Variants in INTS9 observed in about 807,000 individuals in gnomAD.
INTS9 encodes protein related to CPSF subunits of 74 kDa.
INTS9 carries 55 observed loss-of-function variants against 79.7 expected under a neutral mutation model. The ratio of observed to expected loss-of-function variants is 0.69; its 90% CI spans 0.56 to 0.86. The LOEUF (loss-of-function observed/expected upper bound fraction) is 0.86, where lower values mean the gene tolerates loss of function less well. Among genes scored for constraint, INTS9 ranks in the 40% least tolerant of loss-of-function variants. The pLI is 0.00. For missense variants in INTS9, 721 were observed against 831.5 expected, an observed-to-expected ratio of 0.87 and a Z score of 1.64; for synonymous variants, 319 against 325.2, an observed-to-expected ratio of 0.98 and a Z score of 0.20.
Position 28,775,939 on chromosome 8 carries a change from T to TG in INTS9, c.1396-14dup. The TG allele has an allele frequency of 6.5e-7, 1 of 1,532,484 alleles. No homozygotes were observed. The highest frequency in any genetic ancestry group is 8.8e-7 in the Non-Finnish European group (1 of 1,139,214). The allele number at this position is 1,532,484 out of a possible 1,614,324, so 94.9% of individuals were successfully genotyped here. On this transcript the variant is annotated splice_polypyrimidine_tract_variant and intron_variant, in intron 13 of 16. Transcript: ENST00000521022. ...CCACGTGCAGGGGCTGAGGAACCAA[T>TG]GGGACAGTTGAGAAAGGTGGTGTGA...
intron 6 of INTS9, among the ~76,000 whole-genome samples, chr8:28,834,475 G>A (rs1041015476): frequency 1.3e-5 from 2 of 152,038 alleles, no homozygotes; most frequent in Admixed American, 1.3e-4. Context: ...AATCCACACT[G>A]AACATCTCAC....
chr8:28,880,495 G>C (rs1481168986), intron 1 of INTS9, among the ~76,000 whole-genome samples: 5 of 151,960 alleles, frequency 3.3e-5, no homozygotes, highest in African/African-American at 4.8e-5. Context: ...TCCTAACCGC[G>C]AGTGATCCGC....
intron 12 of INTS9, 23 bp downstream of exon 12, chr8:28,780,800 G>C (rs758334285): frequency 3.1e-6 from 5 of 1,611,796 alleles, no homozygotes; most frequent in Non-Finnish European, 4.2e-6. Flanking sequence ...GAACCAATTT[G>C]TTTCTTTATT....
intron 6 of INTS9, among the ~76,000 whole-genome samples, chr8:28,821,980 C>T (rs937964917): frequency 3.3e-5 from 5 of 152,092 alleles, no homozygotes; most frequent in East Asian, 1.9e-4. Flanking sequence ...TTGCCCATGC[C>T]GGTCTCAAAC....
chr8:28,838,148 G>T (rs1806923382), intron 4 of INTS9, among the ~76,000 whole-genome samples: 1 of 151,960 alleles, frequency 6.6e-6, no homozygotes, highest in East Asian at 1.9e-4. Flanking sequence ...GCACACACTA[G>T]AACATAACAC....
chr8:28,824,807 T>G (rs867103758), intron 6 of INTS9, among the ~76,000 whole-genome samples: 3 of 152,216 alleles, frequency 2.0e-5, no homozygotes, highest in South Asian at 2.1e-4. Flanking sequence ...TAGGTTTACA[T>G]CTGGGAGTTA....
Position 28,881,444 on chromosome 8 carries a change from C to T in INTS9, c.9+8430G>A, listed in dbSNP as rs1373022332. Reference sequence around the variant, plus strand: ...GAGGGAGGTGGGGGGGTCAGCCCCCCGCCCGGCCAGCCGCCCCGTCCGGGA... The same window carrying T: ...GAGGGAGGTGGGGGGGTCAGCCCCCTGCCCGGCCAGCCGCCCCGTCCGGGA... On this transcript the variant is annotated intron_variant, in intron 1 of 16. Transcript: ENST00000521022. Among the ~76,000 whole-genome samples the T allele has an allele frequency of 1.2e-3, 165 of 138,510 alleles. 2 individuals carry two copies. In the East Asian group the frequency reaches 0.019, roughly 16 times the overall value. 90.9% of individuals were successfully genotyped at this position (138,510 alleles called of 152,430 possible). A position where few individuals can be genotyped will look rare whatever the true frequency, so the allele number is the denominator to read the frequency against.
In INTS9 at chr8:28,793,794, A is replaced by AAC. The variant is rs36122628; in HGVS notation, c.1037+12_1037+13insGT. On this transcript the variant is annotated intron_variant, in intron 10 of 16. Transcript: ENST00000521022. ...ATAAAATTCACAAAAAAAAAAAAAA[A>AAC]CCACGGACATACCACTCAGCAAAGA... is the stretch of plus-strand genomic sequence containing the variant. 2.6e-6 allele frequency: 4 copies of AAC among 1,553,822 alleles called. No homozygotes were observed. The Middle Eastern group carries it at 5.2e-4, about 202-fold the overall frequency.
At chr8:28,791,622 T>C (rs1440005812) in intron 10 of INTS9, among the ~76,000 whole-genome samples, 2 of 152,030 alleles carry the variant, frequency 1.3e-5, no homozygotes, top group African/African-American at 4.8e-5. Flanking sequence ...TATACGTAGG[T>C]GTGTGTGTGG....
chr8:28,792,085 T>C lies in INTS9; in HGVS notation c.1037+1722A>G, dbSNP rs771132486. ...AAGTGAGGCTGCAGTTATTAAAATATATTAGCATCATGTTGGCCAAAGAAT... is the reference window on the plus strand; with the variant it reads ...AAGTGAGGCTGCAGTTATTAAAATACATTAGCATCATGTTGGCCAAAGAAT... On this transcript the variant is annotated intron_variant, in intron 10 of 16. Coordinates refer to ENST00000521022, the MANE Select transcript of INTS9 (RefSeq NM_018250.4). 3.4e-4 allele frequency among the ~76,000 whole-genome samples: 52 copies of C among 152,214 alleles called. 1 individual carries two copies. Among genetic ancestry groups the C allele is most frequent in the Non-Finnish European group, 7.1e-4 (48 of 68,050 alleles).
chr8:28,830,119 G>A (rs921678448), intron 6 of INTS9, among the ~76,000 whole-genome samples: 4 of 152,140 alleles, frequency 2.6e-5, no homozygotes, highest in African/African-American at 4.8e-5. Flanking sequence ...AAAAATTTCC[G>A]TGAACTAGAT....
intron 6 of INTS9, among the ~76,000 whole-genome samples, chr8:28,824,662 C>T (rs556789474): frequency 1.4e-4 from 22 of 152,308 alleles, no homozygotes; most frequent in Admixed American, 3.3e-4. Flanking sequence ...CTGAGGCCGC[C>T]GCAGGGGCTG....
chr8:28,775,063 T>TC lies in INTS9; in HGVS notation c.1563+695dup, dbSNP rs1585327277. ...TCCTTATTTTTTGGTTCCTGTTATC[T>TC]CCCCCATCTACCTCTGAATTCAGCA... On this transcript the variant is annotated intron_variant, in intron 14 of 16. Coordinates refer to ENST00000521022, the MANE Select transcript of INTS9 (RefSeq NM_018250.4). Among the ~76,000 whole-genome samples, 3 of 152,128 alleles carry TC rather than the reference T, an allele frequency of 2.0e-5. No homozygotes were observed. In the East Asian group the frequency reaches 5.8e-4, roughly 29 times the overall value.
intron 1 of INTS9, among the ~76,000 whole-genome samples, chr8:28,878,580 C>T (rs1298731487): frequency 6.6e-6 from 1 of 151,108 alleles, no homozygotes; most frequent in African/African-American, 2.4e-5. Flanking sequence ...CCTTGGCCTC[C>T]CAAAGTGCTG....
intron 6 of INTS9, among the ~76,000 whole-genome samples, chr8:28,827,786 T>A (rs1806237615): frequency 6.6e-6 from 1 of 152,234 alleles, no homozygotes; most frequent in Non-Finnish European, 1.5e-5. Flanking sequence ...TTTGCTCTAA[T>A]CCTATGCTCA....
chr8:28,771,483 T>G (rs1035989752), intron 14 of INTS9, among the ~76,000 whole-genome samples: 2 of 152,216 alleles, frequency 1.3e-5, no homozygotes, highest in Admixed American at 1.3e-4. Context: ...GGTGCTCTGT[T>G]GCTGGGTTTA....
At chr8:28,807,299 C>T (rs1804865817) in intron 8 of INTS9, among the ~76,000 whole-genome samples, 1 of 152,036 alleles carries the variant, frequency 6.6e-6, no homozygotes, top group Admixed American at 6.6e-5. Flanking sequence ...GAACATTTGA[C>T]CAAACTTTCA....
At position 28,831,729 on chromosome 8, in the gene INTS9, C is replaced by G. The variant is rs143620395; in HGVS notation, c.488+3563G>C. Among the ~76,000 whole-genome samples, 17 of 152,222 alleles carry G rather than the reference C, an allele frequency of 1.1e-4. No individual in the cohort carries two copies. The South Asian group carries it at 3.1e-3, about 28-fold the overall frequency. ...TTGCCCTTTTTTTTAGACAGAGTCT[C>G]GCTCTGTCCCCCAGGCTGGAGTGCA... On this transcript the variant is annotated intron_variant, in intron 6 of 16. Coordinates refer to ENST00000521022, the MANE Select transcript of INTS9 (RefSeq NM_018250.4).
intron 12 of INTS9, among the ~76,000 whole-genome samples, chr8:28,779,680 C>A (rs933933748): frequency 1.3e-5 from 2 of 152,206 alleles, no homozygotes; most frequent in Admixed American, 1.3e-4. Flanking sequence ...GAACACCAGC[C>A]GGAGTCCTGC....
Sources: allele counts gnomAD v4.1 joint callset (sites outside exome capture counted in the v4.1 genomes callset), GRCh38; gene constraint gnomAD v4.1.1; transcripts MANE v1.5; gene names NCBI Gene and HGNC (gene_info 2026-07-23, HGNC 2026-07-21).